Variants in SCN8A observed in about 807,000 individuals in gnomAD.
SCN8A encodes the protein sodium voltage-gated channel alpha subunit 8.
In SCN8A, 30 loss-of-function variants were observed where a neutral mutation model predicts 184.1. That is an observed-to-expected ratio of 0.16 (90% CI 0.12 to 0.22). The LOEUF is 0.22. Among genes scored for constraint, SCN8A ranks in the 10% least tolerant of loss-of-function variants. The pLI is 1.00. For missense variants in SCN8A, 1,057 were observed against 2,498.9 expected (o/e 0.42, Z 12.30); for synonymous variants, 852 against 907.0 (o/e 0.94, Z 1.09).
At chr12:51,720,237 A>C (rs1003628953) in intron 11 of SCN8A, among the ~76,000 whole-genome samples, 10 of 150,612 alleles carry the variant, frequency 6.6e-5, no homozygotes, top group African/African-American at 2.4e-4. Context: ...TGATGAAAAA[A>C]ATATGTTTAA....
At chr12:51,668,872 C>T (rs1034418465) in intron 2 of SCN8A, among the ~76,000 whole-genome samples, 1 of 152,134 alleles carries the variant, frequency 6.6e-6, no homozygotes, top group African/African-American at 2.4e-5. Context: ...TGTCACTTAA[C>T]GATGGGGGTA....
intron 11 of SCN8A, among the ~76,000 whole-genome samples, chr12:51,717,642 G>A (rs540515532): frequency 3.8e-4 from 58 of 152,186 alleles, no homozygotes; most frequent in Non-Finnish European, 6.8e-4. Flanking sequence ...ACGTGCAAGG[G>A]CTTCCTCTGT....
chr12:51,712,743 GC>G (rs1941900774), intron 11 of SCN8A: 4 of 1,118,260 alleles, frequency 3.6e-6, no homozygotes, highest in Non-Finnish European at 5.4e-6. Flanking sequence ...CACCACCATA[GC>G]CCCCTCTACT....
At chr12:51,592,177 G>A (rs1939239999) in intron 1 of SCN8A, among the ~76,000 whole-genome samples, 1 of 151,348 alleles carries the variant, frequency 6.6e-6, no homozygotes, top group African/African-American at 2.4e-5. Context: ...AGGACTGTTT[G>A]CCCAGCTCCG....
intron 1 of SCN8A, among the ~76,000 whole-genome samples, chr12:51,653,510 C>T (rs1162963649): frequency 1.3e-5 from 2 of 152,110 alleles, no homozygotes; most frequent in Admixed American, 1.3e-4. Context: ...GGATTTCTTG[C>T]CTTTTTAAGC....
In SCN8A at chr12:51,770,548, G is replaced by A. The variant is rs760837869; in HGVS notation, c.3510G>A (p.Lys1170=). The change falls in exon 19 of 27, where the codon AAG becomes AAA. Residue 1170 remains lysine, a synonymous_variant. Transcript: ENST00000627620. ...TGCCAGGTTGTGTCCAGCGGTTCAA[G>A]TGCTGCCAGGTCAACATCGAGGAAG... ...CFTEGCVQRF[K]CCQVNIEEGL... is the part of the protein sequence containing the mutation. 1.2e-5 allele frequency: 20 copies of A among 1,609,964 alleles called. No individual in the cohort carries two copies. In the South Asian group the frequency reaches 2.2e-4, roughly 18 times the overall value.
intron 14 of SCN8A, among the ~76,000 whole-genome samples, chr12:51,753,577 G>C (rs1048185621): frequency 1.3e-5 from 2 of 152,164 alleles, no homozygotes; most frequent in Non-Finnish European, 2.9e-5. Context: ...CAATCAACAC[G>C]AGCGCTGAGA....
chr12:51,810,417 A>G lies in SCN8A; in HGVS notation c.*2988A>G, dbSNP rs1201408470. On this transcript the variant is annotated 3_prime_UTR_variant, in exon 27 of 27. Transcript: ENST00000627620. ...TAACAGGCATCGAACTGAAAGAATC[A>G]GTGATGACGTTTTTGTGCATCTTCG... 2.2e-6 allele frequency: 1 copy of G among 453,580 alleles called. No homozygotes were observed. The allele number at this position is 453,580 out of a possible 1,614,324, so 28.1% of individuals were successfully genotyped here.
chr12:51,723,804 C>T (rs565405570), intron 12 of SCN8A, among the ~76,000 whole-genome samples: 14 of 151,632 alleles, frequency 9.2e-5, no homozygotes, highest in East Asian at 7.8e-4. Flanking sequence ...GCCAAGATTG[C>T]GCCACTGCAC....
At chr12:51,662,540 TA>T (rs1467795575) in intron 1 of SCN8A, among the ~76,000 whole-genome samples, 1 of 152,200 alleles carries the variant, frequency 6.6e-6, no homozygotes, top group Non-Finnish European at 1.5e-5. Flanking sequence ...TCTGAGTGAA[TA>T]TAATAAATAA....
intron 5 of SCN8A, among the ~76,000 whole-genome samples, chr12:51,688,208 T>G (rs961022821): frequency 6.6e-6 from 1 of 152,230 alleles, no homozygotes; most frequent in African/African-American, 2.4e-5. Context: ...TCTGATCCCA[T>G]GATTTGGATT....
At chr12:51,762,091 T>C (rs1029184663) in intron 14 of SCN8A, among the ~76,000 whole-genome samples, 1 of 152,246 alleles carries the variant, frequency 6.6e-6, no homozygotes, top group Non-Finnish European at 1.5e-5. Flanking sequence ...TAATGTCAAA[T>C]TAGCATTAAT....
chr12:51,739,282 C>T (rs1223337082), intron 12 of SCN8A, among the ~76,000 whole-genome samples: 1 of 152,216 alleles, frequency 6.6e-6, no homozygotes, highest in East Asian at 1.9e-4. Context: ...CTCTAAATCA[C>T]CCTCTCGTAT....
intron 19 of SCN8A, among the ~76,000 whole-genome samples, chr12:51,772,170 C>T (rs570436495): frequency 3.9e-5 from 6 of 152,014 alleles, no homozygotes; most frequent in Non-Finnish European, 5.9e-5. Flanking sequence ...CCAAGACGTG[C>T]GGATCACCTG....
At chr12:51,691,526 G>A (rs1278667877) in intron 6 of SCN8A, among the ~76,000 whole-genome samples, 2 of 152,110 alleles carry the variant, frequency 1.3e-5, no homozygotes, top group East Asian at 3.9e-4. Context: ...TGTAGTAGCA[G>A]CACTTATGAT....
intron 20 of SCN8A, among the ~76,000 whole-genome samples, chr12:51,776,544 G>T (rs1477256063): frequency 6.6e-6 from 1 of 152,356 alleles, no homozygotes; most frequent in African/African-American, 2.4e-5. Flanking sequence ...CATGTTCCCA[G>T]CCCCTGGGGA....
Position 51,806,274 on chromosome 12 carries a change from C to T in SCN8A, c.4796-8C>T, listed in dbSNP as rs758151653. On this transcript the variant is annotated splice_polypyrimidine_tract_variant and splice_region_variant and intron_variant, in intron 26 of 26. Coordinates refer to ENST00000627620, the MANE Select transcript of SCN8A (RefSeq NM_001330260.2). The surrounding 1 kb of genome is among the most constrained non-coding windows in gnomAD (Gnocchi z 8.7). ...CAATAACATAACTTCTTCTATTCCT[C>T]TTCTTAGGAATGTTCCTGGCAGATA... 14 of 1,507,684 alleles carry T rather than the reference C, an allele frequency of 9.3e-6. No individual in the cohort carries two copies. Among genetic ancestry groups the T allele is most frequent in the Non-Finnish European group, 1.2e-5 (14 of 1,129,660 alleles). 93.4% of individuals were successfully genotyped at this position (1,507,684 alleles called of 1,614,324 possible).
At chr12:51,679,721 CTTTTT>C (rs34564079) in intron 2 of SCN8A, among the ~76,000 whole-genome samples, 6 of 85,470 alleles carry the variant, frequency 7.0e-5, no homozygotes, top group Admixed American at 1.4e-4. Flanking sequence ...ACTATCTTGC[CTTTTT>C]TTTTTTTTTT....
At chr12:51,765,649 T>G in intron 15 of SCN8A, 22 bp from the exon 16 acceptor site, 1 of 1,306,862 alleles carries the variant, frequency 7.7e-7, no homozygotes, top group Non-Finnish European at 1.0e-6. Context: ...TATTTTTTTG[T>G]TTGGGTTTTT....
Sources: gnomAD v4.1 joint callset for allele counts (sites outside exome capture counted in the v4.1 genomes callset) on GRCh38, gnomAD v4.1.1 for gene constraint, Gnocchi (gnomAD v3.1) non-coding constraint, MANE v1.5 for transcripts, NCBI Gene and HGNC (gene_info 2026-07-23, HGNC 2026-07-21) for gene names.